The following PTPN13 variants were observed in gnomAD, a reference collection of about 807,000 sequenced individuals.
PTPN13 encodes tyrosine-protein phosphatase non-receptor type 13.
PTPN13 carries 191 observed loss-of-function variants against 284.0 expected under a neutral mutation model. That is an observed-to-expected ratio of 0.67 (90% CI 0.60 to 0.76). PTPN13 has a LOEUF of 0.76. PTPN13 is among the 30% of genes least tolerant of loss of function. The probability of loss-of-function intolerance (pLI) is 0.00; values close to 1 mark genes in which losing one functional copy is unlikely to be tolerated. For missense variants in PTPN13, 2,797 were observed against 2,939.9 expected (o/e 0.95, Z 1.12); for synonymous variants, 986 against 1,022.3 (o/e 0.96, Z 0.68).
chr4:86,774,721 A>T (rs10013877), intron 33 of PTPN13, among the ~76,000 whole-genome samples, 190 bp downstream of exon 33: 13,554 of 135,844 alleles, frequency 0.1, 872 homozygotes, highest in African/African-American at 0.2. Flanking sequence ...ATATATATAT[A>T]TTTTTTACTA....
chr4:86,767,907 G>A lies in PTPN13; in HGVS notation c.4420G>A (p.Ala1474Thr). Residue 1474 changes from alanine to threonine, a missense_variant, in exon 28 of 48, where the codon GCC becomes ACC. Physicochemically the swap from Ala to Thr is moderately conservative, Grantham distance 58 (BLOSUM62 0). Transcript: ENST00000411767. ...TPQCTLSDQNAQGQGPEKVKK... is the reference protein window; with the variant it reads ...TPQCTLSDQNTQGQGPEKVKK... ...ACAGTGTACCCTTTCAGATCAGAAT[G>A]CCCAAGGTCAAGGCCCAGAAAAAGT... The A allele has an allele frequency of 6.2e-7, 1 of 1,609,584 alleles. No individual in the cohort carries two copies.
chr4:86,631,760 A>G (rs544206278), intron 1 of PTPN13, among the ~76,000 whole-genome samples: 1 of 152,304 alleles, frequency 6.6e-6, no homozygotes, highest in African/African-American at 2.4e-5. Context: ...CAATCTTTGT[A>G]GCTAGAAAAA....
intron 40 of PTPN13, among the ~76,000 whole-genome samples, chr4:86,790,758 G>T (rs1742530945): frequency 2.0e-5 from 3 of 152,118 alleles, no homozygotes; most frequent in African/African-American, 7.2e-5. Flanking sequence ...GTAGACAGGG[G>T]CCAGATAATT....
At chr4:86,688,610 T>C (rs1336644153) in intron 4 of PTPN13, among the ~76,000 whole-genome samples, 1 of 152,142 alleles carries the variant, frequency 6.6e-6, no homozygotes, top group Non-Finnish European at 1.5e-5. Context: ...ATTATATTTA[T>C]ACACATTGAA....
chr4:86,783,377 C>A (rs1375146121), intron 37 of PTPN13, among the ~76,000 whole-genome samples: 1 of 152,094 alleles, frequency 6.6e-6, no homozygotes, highest in African/African-American at 2.4e-5. Context: ...TCATGTATTT[C>A]TAGTAATATT....
intron 25 of PTPN13, among the ~76,000 whole-genome samples, chr4:86,764,987 G>A (rs568038375): frequency 1.0e-3 from 154 of 152,226 alleles, no homozygotes; most frequent in African/African-American, 3.6e-3. Context: ...CTTGCAAATT[G>A]TAAAATTAAT....
At chr4:86,684,747 A>C (rs1253325475) in intron 3 of PTPN13, among the ~76,000 whole-genome samples, 1 of 152,198 alleles carries the variant, frequency 6.6e-6, no homozygotes, top group East Asian at 1.9e-4. Context: ...AAATAAAGAC[A>C]AGAAAATAAG....
At chr4:86,620,455 G>A (rs1051770090) in intron 1 of PTPN13, among the ~76,000 whole-genome samples, 22 of 152,206 alleles carry the variant, frequency 1.4e-4, no homozygotes, top group South Asian at 4.1e-4. Context: ...CACTGCACCC[G>A]CAGAAATTTT....
chr4:86,687,195 A>G (rs180675622), intron 4 of PTPN13, among the ~76,000 whole-genome samples: 21 of 152,304 alleles, frequency 1.4e-4, no homozygotes, highest in Admixed American at 9.8e-4. Context: ...TAGTAGCCCT[A>G]TGTCTCAGAG....
intron 1 of PTPN13, among the ~76,000 whole-genome samples, chr4:86,633,916 G>A (rs1457241448): frequency 6.6e-6 from 1 of 152,076 alleles, no homozygotes; most frequent in Non-Finnish European, 1.5e-5. Flanking sequence ...AAGTAAAAAC[G>A]CTTTTGGCTT....
intron 2 of PTPN13, among the ~76,000 whole-genome samples, chr4:86,666,885 G>T (rs1484397215): frequency 6.6e-6 from 1 of 152,186 alleles, no homozygotes; most frequent in Non-Finnish European, 1.5e-5. Context: ...GAGAAGGGAA[G>T]ATGGAGCCGC....
intron 24 of PTPN13, 70 bp downstream of exon 24, chr4:86,763,260 G>C (rs1738913699): frequency 8.7e-6 from 11 of 1,259,102 alleles, no homozygotes; most frequent in South Asian, 5.7e-5. Context: ...AAGTTACAGA[G>C]CACAATAATC....
Position 86,594,379 on chromosome 4 carries a change from T to C in PTPN13, c.-416T>C, listed in dbSNP as rs1272014278. On this transcript the variant is annotated 5_prime_UTR_variant, in exon 1 of 48. Transcript: ENST00000411767. ...CCATGCTCACGGCCCCTGGAGACCG[T>C]CGTGCTGGCGAGCCGTGCTCCGTAG... 6.6e-6 allele frequency: 1 copy of C among 152,272 alleles called. No homozygotes were observed. Among genetic ancestry groups the C allele is most frequent in the East Asian group, 1.9e-4 (1 of 5,158 alleles). The allele number at this position is 152,272 out of a possible 1,614,324, so 9.4% of individuals were successfully genotyped here. A position where few individuals can be genotyped will look rare whatever the true frequency, so the allele number is the denominator to read the frequency against.
At chr4:86,661,743 A>C (rs909993805) in intron 2 of PTPN13, among the ~76,000 whole-genome samples, 1 of 152,236 alleles carries the variant, frequency 6.6e-6, no homozygotes, top group East Asian at 1.9e-4. Context: ...AAAAATATAC[A>C]CTATTCCTCA....
At chr4:86,783,970 A>C (rs1741619550) in intron 37 of PTPN13, among the ~76,000 whole-genome samples, 1 of 152,048 alleles carries the variant, frequency 6.6e-6, no homozygotes, top group Admixed American at 6.6e-5. Flanking sequence ...ATAGATTATC[A>C]GGTCACTAAA....
At chr4:86,655,816 G>A (rs1725729956) in intron 2 of PTPN13, among the ~76,000 whole-genome samples, 1 of 152,126 alleles carries the variant, frequency 6.6e-6, no homozygotes, top group Admixed American at 6.5e-5. Flanking sequence ...AAGTTCTCCT[G>A]GATAATATCC....
intron 7 of PTPN13, among the ~76,000 whole-genome samples, chr4:86,713,707 T>C (rs552926631): frequency 1.3e-5 from 2 of 152,252 alleles, no homozygotes; most frequent in East Asian, 3.9e-4. Context: ...TTTCTGTCCA[T>C]GGAGTCTGTG....
chr4:86,667,355 A>C (rs928902801), intron 2 of PTPN13, among the ~76,000 whole-genome samples: 2 of 152,110 alleles, frequency 1.3e-5, no homozygotes, highest in Non-Finnish European at 2.9e-5. Context: ...ACACAATTTT[A>C]TTTTCAATAA....
At chr4:86,776,893 G>A (rs28448567) in intron 35 of PTPN13, among the ~76,000 whole-genome samples, 15,186 of 152,198 alleles carry the variant, frequency 0.1, 886 homozygotes, top group Non-Finnish European at 0.11. Flanking sequence ...CTGCACCATC[G>A]TAAGTTGGGG....
Sources: gnomAD v4.1 joint callset for allele counts (sites outside exome capture counted in the v4.1 genomes callset) on GRCh38, gnomAD v4.1.1 for gene constraint, MANE v1.5 for transcripts, NCBI Gene and HGNC (gene_info 2026-07-23, HGNC 2026-07-21) for gene names.